The following KIAA1217 variants were observed in gnomAD, a reference collection of about 807,000 sequenced individuals.
KIAA1217 encodes KIAA1217, also known as sickle tail protein homolog.
KIAA1217 carries 88 observed loss-of-function variants against 163.9 expected under a neutral mutation model. The ratio of observed to expected loss-of-function variants is 0.54; its 90% CI spans 0.45 to 0.64. The LOEUF is 0.64. Among genes scored for constraint, KIAA1217 ranks in the 30% least tolerant of loss-of-function variants. The pLI, the probability that KIAA1217 is intolerant of heterozygous loss-of-function variation, is 0.00. For synonymous variants in KIAA1217, 903 were observed against 923.1 expected (o/e 0.98, Z 0.39); for missense variants, 2,372 against 2,475.0 (o/e 0.96, Z 0.88).
intron 2 of KIAA1217, among the ~76,000 whole-genome samples, chr10:24,130,726 G>C (rs2063623258): frequency 6.6e-6 from 1 of 152,128 alleles, no homozygotes; most frequent in South Asian, 2.1e-4. Flanking sequence ...CTCCCATATA[G>C]TAAGTTCTCA....
chr10:23,918,733 T>TATATACAC (rs769797460), intron 1 of KIAA1217, among the ~76,000 whole-genome samples: 70 of 147,582 alleles, frequency 4.7e-4, no homozygotes, highest in African/African-American at 1.0e-3. Flanking sequence ...ATTAAATATA[T>TATATACAC]ACACACACAC....
chr10:23,890,504 C>T (rs1410595439), intron 1 of KIAA1217, among the ~76,000 whole-genome samples: 1 of 151,374 alleles, frequency 6.6e-6, no homozygotes, highest in Non-Finnish European at 1.5e-5. Context: ...TTTTTTAATC[C>T]ATGAATTATT....
chr10:24,033,577 T>G (rs1305288541), intron 2 of KIAA1217, among the ~76,000 whole-genome samples: 1 of 152,196 alleles, frequency 6.6e-6, no homozygotes, highest in African/African-American at 2.4e-5. Flanking sequence ...AATGTCCAAA[T>G]AGTAGAGTGA....
At chr10:24,085,135 C>T (rs1298894424) in intron 2 of KIAA1217, among the ~76,000 whole-genome samples, 1 of 152,002 alleles carries the variant, frequency 6.6e-6, no homozygotes, top group Non-Finnish European at 1.5e-5. Context: ...AGGATGGTCT[C>T]GATCTCCTGA....
intron 1 of KIAA1217, among the ~76,000 whole-genome samples, chr10:23,883,953 T>A (rs1434004196): frequency 6.6e-6 from 1 of 151,996 alleles, no homozygotes; most frequent in East Asian, 1.9e-4. Context: ...TGATAACTCA[T>A]TTATCTTGAG....
At chr10:24,019,674 G>A (rs1033615958) in intron 2 of KIAA1217, among the ~76,000 whole-genome samples, 5 of 151,918 alleles carry the variant, frequency 3.3e-5, no homozygotes, top group African/African-American at 1.2e-4. Flanking sequence ...AAATGAGCCC[G>A]GCTACATTCT....
intron 1 of KIAA1217, among the ~76,000 whole-genome samples, chr10:23,779,761 T>C (rs947260665): frequency 1.3e-5 from 2 of 152,192 alleles, no homozygotes; most frequent in African/African-American, 2.4e-5. Context: ...TTCAAAGAAA[T>C]GGTAAAACAC....
intron 2 of KIAA1217, among the ~76,000 whole-genome samples, chr10:24,060,346 A>ATGTTTCAT (rs1241987058): frequency 2.2e-4 from 33 of 152,014 alleles, no homozygotes; most frequent in South Asian, 6.2e-4. Flanking sequence ...GTTGCAAGAT[A>ATGTTTCAT]TTTTCTGATT....
chr10:23,846,867 G>A (rs1839057897), intron 1 of KIAA1217, among the ~76,000 whole-genome samples: 1 of 152,048 alleles, frequency 6.6e-6, no homozygotes, highest in Admixed American at 6.5e-5. Flanking sequence ...TATTGGCTGT[G>A]GGTTTGTCAT....
chr10:24,373,267 T>A (rs1311355711), intron 2 of KIAA1217, among the ~76,000 whole-genome samples: 2 of 152,152 alleles, frequency 1.3e-5, no homozygotes, highest in African/African-American at 4.8e-5. Context: ...AAGAGCACCA[T>A]CGCCACCACT....
intron 1 of KIAA1217, among the ~76,000 whole-genome samples, chr10:23,734,108 T>A (rs1426183532): frequency 6.6e-6 from 1 of 152,096 alleles, no homozygotes; most frequent in Non-Finnish European, 1.5e-5. Flanking sequence ...CACTGGAACC[T>A]CCCAACTTAG....
chr10:23,805,877 G>A (rs1161838183), intron 1 of KIAA1217, among the ~76,000 whole-genome samples: 4 of 151,180 alleles, frequency 2.6e-5, no homozygotes, highest in East Asian at 3.9e-4. Context: ...TTAGCTGGGC[G>A]TGGTGGTGCA....
At chr10:24,022,013 T>G (rs1011848327) in intron 2 of KIAA1217, among the ~76,000 whole-genome samples, 2 of 151,790 alleles carry the variant, frequency 1.3e-5, no homozygotes, top group Non-Finnish European at 2.9e-5. Flanking sequence ...GAAAATCTTT[T>G]AATCATTTAA....
Position 24,252,916 on chromosome 10 carries a change from G to A in KIAA1217, c.354+33007G>A, listed in dbSNP as rs117576364. Among the ~76,000 whole-genome samples, 489 of 152,146 alleles carry A rather than the reference G, an allele frequency of 3.2e-3. 10 individuals carry two copies. In the East Asian group the frequency reaches 0.061, roughly 19 times the overall value. The stretch of plus-strand genomic sequence containing the variant: ...CAGCACTTTCCCAGCACTTTGGGAG[G>A]CTGAGGCAGAAAGATCGATTGAGCC... On this transcript the variant is annotated intron_variant, in intron 2 of 20. Coordinates refer to ENST00000376454, the MANE Select transcript of KIAA1217 (RefSeq NM_019590.5).
chr10:23,707,930 A>C (rs1392493777), intron 1 of KIAA1217, among the ~76,000 whole-genome samples: 1 of 152,202 alleles, frequency 6.6e-6, no homozygotes, highest in South Asian at 2.1e-4. Context: ...AATTGCTTTC[A>C]AAAGGCTGGT....
chr10:24,494,674 T>C, intron 7 of KIAA1217, 70 bp downstream of exon 7: 7 of 1,042,908 alleles, frequency 6.7e-6, no homozygotes, highest in Non-Finnish European at 1.0e-5. Flanking sequence ...AGATAATTCA[T>C]TCATTCAAAT....
chr10:23,982,371 GATTCCC>G (rs1221543588), intron 1 of KIAA1217, among the ~76,000 whole-genome samples: 2 of 152,064 alleles, frequency 1.3e-5, no homozygotes, highest in Admixed American at 1.3e-4. Flanking sequence ...TTTCCCCGAT[GATTCCC>G]TGGACAGCAG....
intron 1 of KIAA1217, among the ~76,000 whole-genome samples, chr10:23,843,826 T>C (rs1326497301): frequency 6.6e-6 from 1 of 152,162 alleles, no homozygotes; most frequent in Non-Finnish European, 1.5e-5. Context: ...GATCTCTTCC[T>C]AACCAGGCAA....
intron 2 of KIAA1217, among the ~76,000 whole-genome samples, chr10:24,195,030 T>A (rs963222484): frequency 3.3e-5 from 5 of 152,084 alleles, no homozygotes; most frequent in African/African-American, 4.8e-5. Flanking sequence ...GCTGTCTTCC[T>A]CCTCTCCTGG....
Sources: gnomAD v4.1 joint callset for allele counts (sites outside exome capture counted in the v4.1 genomes callset) on GRCh38, gnomAD v4.1.1 for gene constraint, MANE v1.5 for transcripts, NCBI Gene and HGNC (gene_info 2026-07-23, HGNC 2026-07-21) for gene names.